Variants in CDH22 observed in about 807,000 individuals in gnomAD.
CDH22 encodes the protein cadherin-22.
In CDH22, 30 loss-of-function variants were observed where a neutral mutation model predicts 58.4. The observed-to-expected ratio is 0.51, with a 90% CI of 0.38 to 0.70. The LOEUF is 0.70. CDH22 is among the 30% of genes least tolerant of loss of function. CDH22 has a pLI of 0.00. For synonymous variants in CDH22, 513 were observed against 558.2 expected (o/e 0.92, Z 1.14); for missense variants, 1,014 against 1,233.9 (o/e 0.82, Z 2.67).
chr20:46,239,469 G>C (rs1168473646), intron 3 of CDH22, among the ~76,000 whole-genome samples: 1 of 152,038 alleles, frequency 6.6e-6, no homozygotes, highest in Non-Finnish European at 1.5e-5. Context: ...ATTCTCTCTG[G>C]TTCACCTCCT....
chr20:46,298,052 T>TA (rs1397495888), intron 1 of CDH22, among the ~76,000 whole-genome samples: 1 of 152,124 alleles, frequency 6.6e-6, no homozygotes, highest in Non-Finnish European at 1.5e-5. Flanking sequence ...GTCACCTCTA[T>TA]AGATGATATC....
chr20:46,237,376 GC>G (rs2086260826), intron 3 of CDH22, among the ~76,000 whole-genome samples: 1 of 152,154 alleles, frequency 6.6e-6, no homozygotes, highest in Admixed American at 6.5e-5. Context: ...AAGCGCTGCT[GC>G]CTTTCATGTC....
At chr20:46,183,521 T>C (rs1011848935) in intron 10 of CDH22, among the ~76,000 whole-genome samples, 2 of 152,206 alleles carry the variant, frequency 1.3e-5, no homozygotes, top group South Asian at 2.1e-4. Context: ...CTCAAACTCC[T>C]AGGCTCAAGT....
At chr20:46,224,146 C>A (rs1003729242) in intron 4 of CDH22, among the ~76,000 whole-genome samples, 9 of 152,174 alleles carry the variant, frequency 5.9e-5, no homozygotes, top group African/African-American at 1.2e-4. Context: ...AGTCACCATG[C>A]CTGGCTGTGA....
intron 3 of CDH22, among the ~76,000 whole-genome samples, chr20:46,237,833 A>G (rs1426491787): frequency 6.6e-6 from 1 of 152,066 alleles, no homozygotes; most frequent in Non-Finnish European, 1.5e-5. Context: ...TGAAACAAGG[A>G]CCCTTGCCAT....
At chr20:46,214,283 G>A (rs6074067) in intron 5 of CDH22, among the ~76,000 whole-genome samples, 49,204 of 151,906 alleles carry the variant, frequency 0.32, 8,729 homozygotes, top group African/African-American at 0.49. Flanking sequence ...TGAGGTCGAG[G>A]TGAGGATGAC....
intron 1 of CDH22, among the ~76,000 whole-genome samples, chr20:46,305,309 G>A (rs139434769): frequency 0.011 from 1,657 of 152,338 alleles, 28 homozygotes; most frequent in African/African-American, 0.038. Context: ...AAAACACAAG[G>A]TTGTAGGAAG....
At chr20:46,226,291 TC>T (rs58742481) in intron 4 of CDH22, among the ~76,000 whole-genome samples, 3 of 74,056 alleles carry the variant, frequency 4.1e-5, no homozygotes, top group African/African-American at 1.8e-4. Flanking sequence ...TTCTTCTTCT[TC>T]TTTTTTTTTT....
rs1484969665 is a variant in CDH22 at position 46,174,767 on chromosome 20, T to C, written c.2226A>G (p.Pro742=). ...TGAAGTCCCTGAACACTGAGAAGTCTGGCTCGGGGCTCGGCGGCCCCTGCG... is the reference window on the plus strand; with the variant it reads ...TGAAGTCCCTGAACACTGAGAAGTCCGGCTCGGGGCTCGGCGGCCCCTGCG... ...SLPQGPPSPE[P]DFSVFRDFIS... The change falls in exon 12 of 12, where the codon CCA becomes CCG. Residue 742 remains proline (P), a synonymous_variant. Transcript: ENST00000537909. This position sits in a 1 kb window ranked among gnomAD's most constrained non-coding sequence, Gnocchi z 4.4. 6.5e-7 allele frequency: 1 copy of C among 1,532,580 alleles called. No individual in the cohort carries two copies. Among genetic ancestry groups the C allele is most frequent in the African/African-American group, 1.4e-5 (1 of 71,468 alleles). 94.9% of individuals were successfully genotyped at this position (1,532,580 alleles called of 1,614,324 possible). A position where few individuals can be genotyped will look rare whatever the true frequency, so the allele number is the denominator to read the frequency against.
chr20:46,226,493 G>C (rs2086176317), intron 4 of CDH22, among the ~76,000 whole-genome samples: 1 of 151,682 alleles, frequency 6.6e-6, no homozygotes, highest in Non-Finnish European at 1.5e-5. Flanking sequence ...GTGTTACCCA[G>C]GCTGGTCTCA....
At chr20:46,177,800 G>C (rs952986876) in intron 11 of CDH22, 146 bp downstream of exon 11, 1 of 1,034,886 alleles carries the variant, frequency 9.7e-7, no homozygotes, top group Non-Finnish European at 1.4e-6. Flanking sequence ...CATGGGGGCT[G>C]CTTGTTAGAG....
chr20:46,261,439 A>C (rs1015083750), intron 1 of CDH22, among the ~76,000 whole-genome samples: 7 of 152,200 alleles, frequency 4.6e-5, no homozygotes, highest in African/African-American at 1.7e-4. Flanking sequence ...CTGAGTCAAG[A>C]AGAGTGAAGA....
At chr20:46,307,619 A>AG (rs1210865679) in intron 1 of CDH22, among the ~76,000 whole-genome samples, 1 of 151,972 alleles carries the variant, frequency 6.6e-6, no homozygotes, top group Non-Finnish European at 1.5e-5. Context: ...TGGGGCCGGC[A>AG]GGGGTCCCTG....
chr20:46,255,453 C>T (rs1178679858), intron 1 of CDH22, among the ~76,000 whole-genome samples: 19 of 152,232 alleles, frequency 1.2e-4, no homozygotes, highest in Admixed American at 1.2e-3. Context: ...AAATGCACCT[C>T]TAGGTGAATG....
chr20:46,222,371 G>A (rs189398412), intron 4 of CDH22, among the ~76,000 whole-genome samples: 98 of 152,262 alleles, frequency 6.4e-4, no homozygotes, highest in Non-Finnish European at 1.3e-3. Flanking sequence ...CTATCCATTT[G>A]CTTCTCTGCT....
chr20:46,296,172 G>C (rs1196124994), intron 1 of CDH22, among the ~76,000 whole-genome samples: 2 of 152,192 alleles, frequency 1.3e-5, no homozygotes, highest in Non-Finnish European at 1.5e-5. Context: ...TATAAGAGAA[G>C]AGGCACCTGA....
intron 1 of CDH22, among the ~76,000 whole-genome samples, chr20:46,253,148 C>T (rs374139519): frequency 4.6e-5 from 7 of 152,328 alleles, no homozygotes; most frequent in Non-Finnish European, 8.8e-5. Flanking sequence ...GAGGAAGAAA[C>T]GCAGACCACC....
At chr20:46,296,997 CG>C (rs1378611887) in intron 1 of CDH22, among the ~76,000 whole-genome samples, 1 of 152,152 alleles carries the variant, frequency 6.6e-6, no homozygotes, top group Non-Finnish European at 1.5e-5. Context: ...AGGCAGGCTG[CG>C]GGGAGGGTCT....
At chr20:46,298,066 C>T (rs2086636546) in intron 1 of CDH22, among the ~76,000 whole-genome samples, 1 of 152,178 alleles carries the variant, frequency 6.6e-6, no homozygotes, top group Admixed American at 6.5e-5. Flanking sequence ...TGATATCCCC[C>T]TACAGCCCAA....
Sources: allele counts gnomAD v4.1 joint callset (sites outside exome capture counted in the v4.1 genomes callset), GRCh38; gene constraint gnomAD v4.1.1; non-coding constraint Gnocchi (gnomAD v3.1); transcripts MANE v1.5; gene names NCBI Gene and HGNC (gene_info 2026-07-23, HGNC 2026-07-21).